Variants in WRNIP1 observed in about 807,000 individuals in gnomAD.
The protein encoded by WRNIP1 is WRN helicase interacting protein 1.
Under a neutral mutation model 56.1 loss-of-function variants are expected in WRNIP1, and 41 were observed. The observed-to-expected ratio is 0.73, with a 90% CI of 0.57 to 0.95. WRNIP1 has a LOEUF of 0.95. Ranked by LOEUF, WRNIP1 falls within the 40% of genes least tolerant of loss-of-function variation. WRNIP1 has a pLI of 0.00. For missense variants in WRNIP1, 1,170 were observed against 939.4 expected (o/e 1.25, Z -3.21); for synonymous variants, 547 against 398.1 (o/e 1.37, Z -4.45).
intron 1 of WRNIP1, among the ~76,000 whole-genome samples, 177 bp downstream of exon 1, chr6:2,766,621 G>T (rs1365173086): frequency 2.6e-5 from 4 of 152,206 alleles, no homozygotes; most frequent in Non-Finnish European, 5.9e-5. Flanking sequence ...TCTGTGATGG[G>T]TGTGAAAAGG....
chr6:2,774,977 A>G (rs1049410271), intron 3 of WRNIP1, among the ~76,000 whole-genome samples: 2 of 152,124 alleles, frequency 1.3e-5, no homozygotes, highest in Admixed American at 6.6e-5. Flanking sequence ...AGCATTCCAC[A>G]TGTCTTAATC....
Position 2,766,342 on chromosome 6 carries a change from C to A in WRNIP1, c.720C>A (p.Phe240Leu), listed in dbSNP as rs370770188. The A allele has an allele frequency of 3.8e-5, 62 of 1,610,542 alleles. No homozygotes were observed. Among genetic ancestry groups the A allele is most frequent in the Non-Finnish European group, 4.1e-5 (48 of 1,179,014 alleles). Reference protein sequence around the residue: ...TMRPDTLQDYFGQSKAVGQDT... With the variant: ...TMRPDTLQDYLGQSKAVGQDT... ...GTCCTGACACGCTGCAGGATTACTT[C>A]GGGCAGAGCAAGGCCGTGGGCCAGG... The change falls in exon 1 of 7, where the codon TTC becomes TTA. Residue 240 changes from phenylalanine to leucine, a missense_variant. Coordinates refer to ENST00000380773, the MANE Select transcript of WRNIP1 (RefSeq NM_020135.3).
chr6:2,780,563 C>T (rs963266220), intron 4 of WRNIP1, among the ~76,000 whole-genome samples: 1 of 152,194 alleles, frequency 6.6e-6, no homozygotes, highest in African/African-American at 2.4e-5. Context: ...CTCAGCGGGG[C>T]CTGCTCAGAT....
rs1207976873 is a variant in WRNIP1 at position 2,785,923 on chromosome 6, A to AC, written c.*642dup. The AC allele has an allele frequency of 1.3e-5, 2 of 152,648 alleles. No homozygotes were observed. The highest frequency in any genetic ancestry group is 4.8e-5 in the African/African-American group (2 of 41,434). The allele number at this position is 152,648 out of a possible 1,614,324, so 9.5% of individuals were successfully genotyped here. ...TTAACTCTGATCTCTTTAAAGGAAT[A>AC]CATAAAGGAATTCTTTAAATGGCTT... On this transcript the variant is annotated 3_prime_UTR_variant, in exon 7 of 7. Transcript: ENST00000380773.
At chr6:2,775,903 A>G (rs1379263526) in intron 3 of WRNIP1, among the ~76,000 whole-genome samples, 1 of 152,230 alleles carries the variant, frequency 6.6e-6, no homozygotes, top group African/African-American at 2.4e-5. Context: ...GTAGGATGTT[A>G]TGACATTTTG....
chr6:2,769,408 T>G (rs926618501), intron 2 of WRNIP1, among the ~76,000 whole-genome samples: 19 of 152,180 alleles, frequency 1.2e-4, no homozygotes, highest in African/African-American at 4.6e-4. Flanking sequence ...ACTTAGGGAT[T>G]TAAAAAAAAA....
At chr6:2,783,888 G>A (rs1765643325) in intron 5 of WRNIP1, among the ~76,000 whole-genome samples, 1 of 152,106 alleles carries the variant, frequency 6.6e-6, no homozygotes, top group Non-Finnish European at 1.5e-5. Context: ...TTTGCTTTAA[G>A]TCAGGTGTTC....
At chr6:2,783,702 T>A in intron 5 of WRNIP1, 141 bp downstream of exon 5, 1 of 686,650 alleles carries the variant, frequency 1.5e-6, no homozygotes, top group Non-Finnish European at 2.2e-6. Flanking sequence ...CAGGGCTATG[T>A]GAGACTGGCA....
intron 4 of WRNIP1, among the ~76,000 whole-genome samples, chr6:2,782,874 C>T (rs1350737713): frequency 6.6e-6 from 1 of 152,190 alleles, no homozygotes; most frequent in African/African-American, 2.4e-5. Context: ...ACAGGTGTCC[C>T]CACACCAAGG....
chr6:2,767,712 G>A (rs1765087003), intron 1 of WRNIP1, among the ~76,000 whole-genome samples: 1 of 152,224 alleles, frequency 6.6e-6, no homozygotes, highest in Admixed American at 6.5e-5. Context: ...AGCTGTTGGT[G>A]GCCCCAGACA....
At position 2,786,836 on chromosome 6, in the gene WRNIP1, C is replaced by G. The variant is rs1765726642; in HGVS notation, c.*1554C>G. On this transcript the variant is annotated 3_prime_UTR_variant, in exon 7 of 7. Coordinates refer to ENST00000380773, the MANE Select transcript of WRNIP1 (RefSeq NM_020135.3). ...GTGTTTTAAAAGTCTGCACTGGGTA[C>G]TTGTTGGGCCTTTCAATCTGGAAAC... 1 of 152,170 alleles carries G rather than the reference C, an allele frequency of 6.6e-6. No individual in the cohort carries two copies. The highest frequency in any genetic ancestry group is 1.5e-5 in the Non-Finnish European group (1 of 68,034). 9.4% of individuals were successfully genotyped at this position (152,170 alleles called of 1,614,324 possible).
Position 2,786,711 on chromosome 6 carries a change from C to T in WRNIP1, c.*1429C>T, listed in dbSNP as rs1765723257. 1 of 152,130 alleles carries T rather than the reference C, an allele frequency of 6.6e-6. No individual in the cohort carries two copies. Among genetic ancestry groups the T allele is most frequent in the African/African-American group, 2.4e-5 (1 of 41,436 alleles). The allele number at this position is 152,130 out of a possible 1,614,324, so 9.4% of individuals were successfully genotyped here. ...AAGAAATTACTTGTGCATTGTTTTA[C>T]ACTTTCCCACATTGTTGTCAAGTTT... On this transcript the variant is annotated 3_prime_UTR_variant, in exon 7 of 7. Coordinates refer to ENST00000380773, the MANE Select transcript of WRNIP1 (RefSeq NM_020135.3).
Position 2,779,364 on chromosome 6 carries a change from C to T in WRNIP1, c.1358C>T (p.Ala453Val), listed in dbSNP as rs1561915008. Residue 453 changes from alanine (A) to valine (V), a missense_variant, in exon 4 of 7, where the codon GCT becomes GTT. By Grantham distance (64) the Ala-to-Val change is moderately conservative. Transcript: ENST00000380773. ...GLNGLQLAVL[A>V]RLSSRKMFCK... ...AACGGACTGCAGCTGGCGGTGCTGG[C>T]TAGGTTAAGCTCTAGGAAGATGTTC... 6.2e-7 allele frequency: 1 copy of T among 1,614,206 alleles called. No individual in the cohort carries two copies. Among genetic ancestry groups the T allele is most frequent in the Admixed American group, 1.7e-5 (1 of 60,034 alleles).
At chr6:2,783,724 G>A (rs1765638397) in intron 5 of WRNIP1, among the ~76,000 whole-genome samples, 163 bp downstream of exon 5, 1 of 143,022 alleles carries the variant, frequency 7.0e-6, no homozygotes, top group Non-Finnish European at 1.5e-5. Flanking sequence ...GAGAAGATAA[G>A]ACTTTATGCC....
rs1765150052 is a variant in WRNIP1, at chr6:2,768,844, T to C, written c.976T>C (p.Phe326Leu). The C allele has an allele frequency of 6.2e-7, 1 of 1,613,352 alleles. No homozygotes were observed. Among genetic ancestry groups the C allele is most frequent in the East Asian group, 2.2e-5 (1 of 44,878 alleles). ...CTTTTTCAAAAGGAAAACCATCCTT[T>C]TTATTGATGAGATTCATCGGTTCAA... is the stretch of plus-strand genomic sequence containing the variant. ...KSFFKRKTILFIDEIHRFNKS... is the reference protein window; with the variant it reads ...KSFFKRKTILLIDEIHRFNKS... The change falls in exon 2 of 7, where the codon TTT becomes CTT. Residue 326 changes from phenylalanine (F) to leucine (L), a missense_variant. Phe to Leu is a conservative substitution (Grantham distance 22). Transcript: ENST00000380773.
At chr6:2,776,834 G>GA (rs2113472988) in intron 3 of WRNIP1, among the ~76,000 whole-genome samples, 1 of 152,316 alleles carries the variant, frequency 6.6e-6, no homozygotes, top group Admixed American at 6.5e-5. Context: ...AATTCATGGA[G>GA]AAGGGATACA....
At chr6:2,772,548 G>A (rs1765325473) in intron 3 of WRNIP1, among the ~76,000 whole-genome samples, 1 of 152,206 alleles carries the variant, frequency 6.6e-6, no homozygotes, top group African/African-American at 2.4e-5. Context: ...CAGCATAAGG[G>A]ATAATTACCC....
chr6:2,773,250 AT>A, intron 3 of WRNIP1: 1 of 985,434 alleles, frequency 1.0e-6, no homozygotes. Flanking sequence ...TATGCTAGGC[AT>A]TGGCTGAGGG....
In WRNIP1 at chr6:2,779,184, G is replaced by A. The variant is rs944935562; in HGVS notation, c.1257-79G>A. On this transcript the variant is annotated intron_variant, in intron 3 of 6. Transcript: ENST00000380773. ...AACTCTTCAGTGTCCTTGCTGAGAA[G>A]TATGAGTTTCTAAGACATGTGCAGA... 7.7e-6 allele frequency: 11 copies of A among 1,437,444 alleles called. No homozygotes were observed. The East Asian group carries it at 2.3e-4, about 30-fold the overall frequency. The allele number at this position is 1,437,444 out of a possible 1,614,324, so 89.0% of individuals were successfully genotyped here.
Sources: allele counts gnomAD v4.1 joint callset (sites outside exome capture counted in the v4.1 genomes callset), GRCh38; gene constraint gnomAD v4.1.1; transcripts MANE v1.5; gene names NCBI Gene and HGNC (gene_info 2026-07-23, HGNC 2026-07-21).